Variants in AGAP1 observed in about 807,000 individuals in gnomAD.
AGAP1 encodes ArfGAP with GTPase domain, ankyrin repeat and PH domain 1.
AGAP1 carries 29 observed loss-of-function variants against 105.3 expected under a neutral mutation model. The ratio of observed to expected loss-of-function variants is 0.28; its 90% CI spans 0.21 to 0.38. The LOEUF (loss-of-function observed/expected upper bound fraction) is 0.38. Ranked by LOEUF, AGAP1 falls within the 10% of genes least tolerant of loss-of-function variation. The pLI, the probability that AGAP1 is intolerant of heterozygous loss-of-function variation, is 1.00. For missense variants in AGAP1, 998 were observed against 1,165.1 expected (o/e 0.86, Z 2.09); for synonymous variants, 509 against 485.9 (o/e 1.05, Z -0.63).
chr2:236,094,793 G>A (rs1426703362), intron 16 of AGAP1, among the ~76,000 whole-genome samples: 1 of 151,898 alleles, frequency 6.6e-6, no homozygotes, highest in Admixed American at 6.6e-5. Context: ...ACAGAAGATG[G>A]GAAAATTGAT....
At chr2:235,997,994 A>G (rs1177052773) in intron 13 of AGAP1, among the ~76,000 whole-genome samples, 1 of 152,200 alleles carries the variant, frequency 6.6e-6, no homozygotes, top group Non-Finnish European at 1.5e-5. Context: ...TTACTCTGAA[A>G]GTGGACCCCA....
At chr2:235,937,241 G>C (rs1346636939) in intron 12 of AGAP1, among the ~76,000 whole-genome samples, 2 of 152,206 alleles carry the variant, frequency 1.3e-5, no homozygotes, top group African/African-American at 2.4e-5. Context: ...GGCTCGCCAG[G>C]CTGGCCGGCC....
rs888036117 is a variant in AGAP1 at position 235,635,168 on chromosome 2, G to T, written c.164-74011G>T. 6.6e-6 allele frequency among the ~76,000 whole-genome samples: 1 copy of T among 152,160 alleles called. No homozygotes were observed. The highest frequency in any genetic ancestry group is 2.1e-4 in the South Asian group (1 of 4,830). Reference sequence around the variant, plus strand: ...AGAGCAGCTGGACTTAGAGACAGGCGTCCTGAGTGTTGATGCCAGCCTTAC... The same window carrying T: ...AGAGCAGCTGGACTTAGAGACAGGCTTCCTGAGTGTTGATGCCAGCCTTAC... On this transcript the variant is annotated intron_variant, in intron 1 of 17. Coordinates refer to ENST00000304032, the MANE Select transcript of AGAP1 (RefSeq NM_001037131.3). This position sits in a 1 kb window ranked among gnomAD's most constrained non-coding sequence, Gnocchi z 5.3.
chr2:235,579,730 G>A (rs1388453894), intron 1 of AGAP1, among the ~76,000 whole-genome samples: 1 of 151,588 alleles, frequency 6.6e-6, no homozygotes, highest in African/African-American at 2.4e-5. Flanking sequence ...GAGTGGAGAT[G>A]GCACCACTGC....
rs1288064389 is a variant in AGAP1 at position 235,659,421 on chromosome 2, T to A, written c.164-49758T>A. ...GGCTTTGGTGCACTGGGAAGGGGCGTCAGCTGGGCAGGCTGAGCCTGTCAC... is the reference window on the plus strand; with the variant it reads ...GGCTTTGGTGCACTGGGAAGGGGCGACAGCTGGGCAGGCTGAGCCTGTCAC... On this transcript the variant is annotated intron_variant, in intron 1 of 17. Coordinates refer to ENST00000304032, the MANE Select transcript of AGAP1 (RefSeq NM_001037131.3). This position sits in a 1 kb window ranked among gnomAD's most constrained non-coding sequence, Gnocchi z 5.0. Among the ~76,000 whole-genome samples the A allele has an allele frequency of 2.0e-5, 3 of 152,176 alleles. No homozygotes were observed. Among genetic ancestry groups the A allele is most frequent in the Admixed American group, 2.0e-4 (3 of 15,270 alleles).
rs2050668976 is a variant in AGAP1, at chr2:235,893,771, G to A, written c.1155+10322G>A. On this transcript the variant is annotated intron_variant, in intron 10 of 17. Coordinates refer to ENST00000304032, the MANE Select transcript of AGAP1 (RefSeq NM_001037131.3). This position sits in a 1 kb window ranked among gnomAD's most constrained non-coding sequence, Gnocchi z 4.7. ...ACATAGGTATTGCTTAGTACACACC[G>A]GTCACAGTGACTTGAGTGCCACCAC... Among the ~76,000 whole-genome samples, 3 of 152,102 alleles carry A rather than the reference G, an allele frequency of 2.0e-5. No individual in the cohort carries two copies. The highest frequency in any genetic ancestry group is 4.8e-5 in the African/African-American group (2 of 41,422).
In AGAP1 at chr2:236,050,911, G is replaced by A. The variant is rs1290702030; in HGVS notation, c.2114+1630G>A. Among the ~76,000 whole-genome samples, 6 of 152,224 alleles carry A rather than the reference G, an allele frequency of 3.9e-5. No individual in the cohort carries two copies. The highest frequency in any genetic ancestry group is 1.2e-4 in the African/African-American group (5 of 41,468). The stretch of plus-strand genomic sequence containing the variant: ...TCATCTTCATTCATAAATGAAGATT[G>A]TGTGTGCACAGGTATTTTGTAGTTC... On this transcript the variant is annotated intron_variant, in intron 16 of 17. Transcript: ENST00000304032. This position sits in a 1 kb window ranked among gnomAD's most constrained non-coding sequence, Gnocchi z 4.0.
Position 235,917,963 on chromosome 2 carries a change from C to CGT in AGAP1, c.1324+9058_1324+9059dup, listed in dbSNP as rs535471691. ...AATAACGTGACATCAAAACTAGACCCGTTGTTGTCTCATGGAAAGAAAGTT... is the reference window on the plus strand; with the variant it reads ...AATAACGTGACATCAAAACTAGACCCGTGTTGTTGTCTCATGGAAAGAAAGTT... On this transcript the variant is annotated intron_variant, in intron 11 of 17. Transcript: ENST00000304032. Among the ~76,000 whole-genome samples, 3 of 152,182 alleles carry CGT rather than the reference C, an allele frequency of 2.0e-5. No individual in the cohort carries two copies. In the South Asian group the frequency reaches 6.2e-4, roughly 32 times the overall value.
rs1410087021 is a variant in AGAP1 at position 235,887,827 on chromosome 2, G to A, written c.1155+4378G>A. Among the ~76,000 whole-genome samples, 1 of 152,210 alleles carries A rather than the reference G, an allele frequency of 6.6e-6. No individual in the cohort carries two copies. Among genetic ancestry groups the A allele is most frequent in the Non-Finnish European group, 1.5e-5 (1 of 68,032 alleles). ...AAAAGGAAACTAGCATGCTTTTGGG[G>A]AGACGGGATTCTAATCAGCTAATAC... is the stretch of plus-strand genomic sequence containing the variant. On this transcript the variant is annotated intron_variant, in intron 10 of 17. Transcript: ENST00000304032. The surrounding 1 kb of genome is among the most constrained non-coding windows in gnomAD (Gnocchi z 4.1).
chr2:235,944,059 ATATT>A (rs1435760498), intron 12 of AGAP1, among the ~76,000 whole-genome samples: 1 of 152,242 alleles, frequency 6.6e-6, no homozygotes, highest in African/African-American at 2.4e-5. Context: ...CATTTTAAAC[ATATT>A]TAGTTATAAA....
intron 1 of AGAP1, among the ~76,000 whole-genome samples, chr2:235,499,863 G>A (rs753555649): frequency 6.6e-5 from 10 of 152,154 alleles, no homozygotes; most frequent in Non-Finnish European, 1.3e-4. Context: ...GATAGATCAC[G>A]TCTGGCCCTT....
At chr2:235,803,595 G>GT (rs1320258576) in intron 8 of AGAP1, among the ~76,000 whole-genome samples, 3 of 152,154 alleles carry the variant, frequency 2.0e-5, no homozygotes, top group African/African-American at 7.2e-5. Flanking sequence ...AGAGGCCATA[G>GT]TTAATTAAGT....
chr2:235,997,502 A>G (rs185673069), intron 13 of AGAP1, among the ~76,000 whole-genome samples: 1 of 152,282 alleles, frequency 6.6e-6, no homozygotes, highest in East Asian at 1.9e-4. Flanking sequence ...GTATTTTTGT[A>G]GCGCGGCCAT....
At position 235,989,766 on chromosome 2, in the gene AGAP1, C is replaced by T. The variant is rs1315624232; in HGVS notation, c.1645+21143C>T. 6.6e-6 allele frequency among the ~76,000 whole-genome samples: 1 copy of T among 152,112 alleles called. No individual in the cohort carries two copies. The highest frequency in any genetic ancestry group is 2.4e-5 in the African/African-American group (1 of 41,422). Reference sequence around the variant, plus strand: ...GAGGAGGACTGAAGACATTGGCAAGCATCAGTCCGTGCGGGAGACGTGCAT... The same window carrying T: ...GAGGAGGACTGAAGACATTGGCAAGTATCAGTCCGTGCGGGAGACGTGCAT... On this transcript the variant is annotated intron_variant, in intron 13 of 17. Coordinates refer to ENST00000304032, the MANE Select transcript of AGAP1 (RefSeq NM_001037131.3). The surrounding 1 kb of genome is among the most constrained non-coding windows in gnomAD (Gnocchi z 4.4).
At chr2:235,921,819 G>A (rs959801143) in intron 11 of AGAP1, among the ~76,000 whole-genome samples, 4 of 152,196 alleles carry the variant, frequency 2.6e-5, no homozygotes, top group African/African-American at 9.7e-5. Flanking sequence ...ATAAGATACT[G>A]AATGTGTCCT....
rs1337614788 is a variant in AGAP1 at position 235,635,597 on chromosome 2, C to T, written c.164-73582C>T. On this transcript the variant is annotated intron_variant, in intron 1 of 17. Transcript: ENST00000304032. This position sits in a 1 kb window ranked among gnomAD's most constrained non-coding sequence, Gnocchi z 5.3. ...ACGCACTTTGGTTTTCTTTTGGAAA[C>T]CTAGAGCAACCTACTAGATCAATGA... Among the ~76,000 whole-genome samples the T allele has an allele frequency of 6.6e-6, 1 of 151,920 alleles. No individual in the cohort carries two copies. Among genetic ancestry groups the T allele is most frequent in the Non-Finnish European group, 1.5e-5 (1 of 67,980 alleles).
At position 235,710,247 on chromosome 2, in the gene AGAP1, C is replaced by G. The variant is rs928253868; in HGVS notation, c.222+1010C>G. Among the ~76,000 whole-genome samples, 16 of 152,348 alleles carry G rather than the reference C, an allele frequency of 1.1e-4. No individual in the cohort carries two copies. In the East Asian group the frequency reaches 2.9e-3, roughly 28 times the overall value. On this transcript the variant is annotated intron_variant, in intron 2 of 17. Coordinates refer to ENST00000304032, the MANE Select transcript of AGAP1 (RefSeq NM_001037131.3). The stretch of plus-strand genomic sequence containing the variant: ...AGGACAAGGGCCAGGAGACAGGATC[C>G]TTCCGGTCCTTCATGTCTGAGATGA...
At chr2:235,661,011 GTGACAGGGACTCAC>G (rs1165855570) in intron 1 of AGAP1, among the ~76,000 whole-genome samples, 2 of 152,184 alleles carry the variant, frequency 1.3e-5, no homozygotes, top group African/African-American at 4.8e-5. Flanking sequence ...TATTCTGCAG[GTGACAGGGACTCAC>G]TGAGGGCTCC....
At position 235,961,936 on chromosome 2, in the gene AGAP1, G is replaced by A. The variant is rs2054205098; in HGVS notation, c.1484-6526G>A. Among the ~76,000 whole-genome samples the A allele has an allele frequency of 6.6e-6, 1 of 152,332 alleles. No individual in the cohort carries two copies. The highest frequency in any genetic ancestry group is 1.9e-4 in the East Asian group (1 of 5,170). On this transcript the variant is annotated intron_variant, in intron 12 of 17. Coordinates refer to ENST00000304032, the MANE Select transcript of AGAP1 (RefSeq NM_001037131.3). The surrounding 1 kb of genome is among the most constrained non-coding windows in gnomAD (Gnocchi z 5.9). ...GGGTGCTGGGTGAGCGAGGGTGGGT[G>A]AGCATCCATTTCCCAGGGGAGGGGC...
Sources: allele counts gnomAD v4.1 joint callset (sites outside exome capture counted in the v4.1 genomes callset), GRCh38; gene constraint gnomAD v4.1.1; non-coding constraint Gnocchi (gnomAD v3.1); transcripts MANE v1.5; gene names NCBI Gene and HGNC (gene_info 2026-07-23, HGNC 2026-07-21).